Variants in ENAH observed in about 807,000 individuals in gnomAD.
ENAH encodes protein enabled homolog.
ENAH carries 23 observed loss-of-function variants against 78.7 expected under a neutral mutation model. The ratio of observed to expected loss-of-function variants is 0.29; its 90% CI spans 0.21 to 0.41. ENAH has a LOEUF of 0.41. ENAH is among the 10% of genes least tolerant of loss of function. The pLI, the probability that ENAH is intolerant of heterozygous loss-of-function variation, is 1.00. For synonymous variants in ENAH, 226 were observed against 241.0 expected, an observed-to-expected ratio of 0.94 and a Z score of 0.58; for missense variants, 544 against 691.0, an observed-to-expected ratio of 0.79 and a Z score of 2.39.
intron 1 of ENAH, among the ~76,000 whole-genome samples, chr1:225,572,780 T>G (rs2096769845): frequency 6.6e-6 from 1 of 152,254 alleles, no homozygotes; most frequent in South Asian, 2.1e-4. Context: ...GCTGTACTTT[T>G]GTGAAGATCA....
intron 1 of ENAH, among the ~76,000 whole-genome samples, chr1:225,637,717 C>T (rs907340406): frequency 7.6e-6 from 1 of 131,160 alleles, no homozygotes; most frequent in Non-Finnish European, 1.5e-5. Flanking sequence ...ATTTAACTGG[C>T]TATTTGCTTT....
At chr1:225,608,846 G>A (rs1408963462) in intron 1 of ENAH, among the ~76,000 whole-genome samples, 1 of 139,714 alleles carries the variant, frequency 7.2e-6, no homozygotes, top group Non-Finnish European at 1.5e-5. Flanking sequence ...AAAAAAGGAG[G>A]GGGGTCTTGG....
chr1:225,564,476 G>A (rs1012283315), intron 2 of ENAH, among the ~76,000 whole-genome samples: 13 of 125,054 alleles, frequency 1.0e-4, no homozygotes, highest in Admixed American at 1.0e-3. Context: ...TTTTTTTTTA[G>A]TAGAGACGGG....
Position 225,519,526 on chromosome 1 carries a change from C to A in ENAH, c.474G>T (p.Arg158=). The A allele has an allele frequency of 1.2e-6, 2 of 1,612,424 alleles. No homozygotes were observed. The highest frequency in any genetic ancestry group is 1.7e-6 in the Non-Finnish European group (2 of 1,179,770). ...CCATTCTTTCTCGCTCCAGCCTTTC[C>A]CGCTCCAGCTCCTTTTGCCGTTGCT... The part of the protein sequence containing the change: ...QEQQRQKELE[R]ERLERERMER... The change falls in exon 5 of 14, where the codon CGG becomes CGT. Residue 158 remains arginine, a synonymous_variant. Transcript: ENST00000366843.
In ENAH at chr1:225,546,253, A is replaced by G. The variant is rs114176364; in HGVS notation, c.349+8653T>C. ...GCCTGGCCTGAGGTCTGTAAACTTTAAGAGGATAAGCTACTATCAAATATT... is the reference window on the plus strand; with the variant it reads ...GCCTGGCCTGAGGTCTGTAAACTTTGAGAGGATAAGCTACTATCAAATATT... On this transcript the variant is annotated intron_variant, in intron 3 of 13. Coordinates refer to ENST00000366843, the MANE Select transcript of ENAH (RefSeq NM_018212.6). Among the ~76,000 whole-genome samples the G allele has an allele frequency of 5.3e-3, 811 of 152,284 alleles. 8 individuals carry two copies. Among genetic ancestry groups the G allele is most frequent in the African/African-American group, 0.018 (764 of 41,564 alleles).
At chr1:225,583,363 AGGT>A (rs1180821170) in intron 1 of ENAH, among the ~76,000 whole-genome samples, 47 of 142,382 alleles carry the variant, frequency 3.3e-4, no homozygotes, top group African/African-American at 1.2e-3. Context: ...TTGAACCAGG[AGGT>A]GGAGTTGCAG....
In ENAH at chr1:225,492,263, T is replaced by A. The variant is rs1301732695; in HGVS notation, c.*5512A>T. ...ACCATGCCTGGCCTAAATTTTTAAA[T>A]TTTTTTGTAGAAATGAGTCTCCCTG... On this transcript the variant is annotated 3_prime_UTR_variant, in exon 14 of 14. Transcript: ENST00000366843. The A allele has an allele frequency of 1.3e-5, 2 of 152,028 alleles. No homozygotes were observed. Among genetic ancestry groups the A allele is most frequent in the Non-Finnish European group, 2.9e-5 (2 of 68,004 alleles). 9.4% of individuals were successfully genotyped at this position (152,028 alleles called of 1,614,324 possible).
intron 2 of ENAH, among the ~76,000 whole-genome samples, chr1:225,558,423 A>G (rs2096679564): frequency 6.6e-6 from 1 of 152,132 alleles, no homozygotes; most frequent in East Asian, 1.9e-4. Flanking sequence ...AGGAATTTCT[A>G]CATCTACATT....
chr1:225,631,716 T>C (rs745344079), intron 1 of ENAH, among the ~76,000 whole-genome samples: 2 of 152,200 alleles, frequency 1.3e-5, no homozygotes, highest in Non-Finnish European at 2.9e-5. Context: ...CTCTCAAAGT[T>C]TCTCCATGTA....
At chr1:225,623,198 T>C (rs1472573707) in intron 1 of ENAH, among the ~76,000 whole-genome samples, 2 of 152,198 alleles carry the variant, frequency 1.3e-5, no homozygotes, top group African/African-American at 2.4e-5. Flanking sequence ...AAAGGTGGTT[T>C]TAATTTTGTC....
At chr1:225,646,767 C>T (rs1175006485) in intron 1 of ENAH, among the ~76,000 whole-genome samples, 2 of 151,922 alleles carry the variant, frequency 1.3e-5, no homozygotes, top group East Asian at 1.9e-4. Context: ...CCAGCCTGGG[C>T]GACACAGTGA....
At chr1:225,607,842 C>T (rs1000547030) in intron 1 of ENAH, among the ~76,000 whole-genome samples, 2 of 152,122 alleles carry the variant, frequency 1.3e-5, no homozygotes, top group South Asian at 2.1e-4. Context: ...AGGGTCCCCA[C>T]GGAAAGCCAG....
intron 4 of ENAH, among the ~76,000 whole-genome samples, chr1:225,527,279 A>C (rs533605348): frequency 6.6e-6 from 1 of 152,360 alleles, no homozygotes; most frequent in South Asian, 2.1e-4. Flanking sequence ...ATGAAGTAAA[A>C]AGTTGGCCTG....
chr1:225,648,023 G>T (rs1013471908), intron 1 of ENAH, among the ~76,000 whole-genome samples: 2 of 152,130 alleles, frequency 1.3e-5, no homozygotes, highest in Non-Finnish European at 2.9e-5. Context: ...GGTTGGGGGA[G>T]CATGTTAGGG....
At chr1:225,585,215 C>CAAAAAAAAAAAAAA (rs58586397) in intron 1 of ENAH, among the ~76,000 whole-genome samples, 1 of 49,918 alleles carries the variant, frequency 2.0e-5, no homozygotes. Context: ...TACCCTGTCT[C>CAAAAAAAAAAAAAA]AAAAAAAAAA....
intron 2 of ENAH, among the ~76,000 whole-genome samples, chr1:225,565,823 C>A (rs2096732100): frequency 6.6e-6 from 1 of 152,024 alleles, no homozygotes; most frequent in Non-Finnish European, 1.5e-5. Flanking sequence ...AACAAGGAAA[C>A]TGGAGCCTAG....
At chr1:225,542,273 C>A (rs2096593226) in intron 3 of ENAH, among the ~76,000 whole-genome samples, 1 of 152,228 alleles carries the variant, frequency 6.6e-6, no homozygotes, top group Non-Finnish European at 1.5e-5. Flanking sequence ...GGAAAGACTG[C>A]AAAGCCAGGA....
intron 1 of ENAH, among the ~76,000 whole-genome samples, chr1:225,651,296 A>G (rs1392441933): frequency 6.6e-6 from 1 of 152,180 alleles, no homozygotes; most frequent in Admixed American, 6.5e-5. Flanking sequence ...GGAATCAGAA[A>G]AAAAAATTCA....
intron 1 of ENAH, among the ~76,000 whole-genome samples, chr1:225,651,655 C>T (rs1663032222): frequency 6.6e-6 from 1 of 152,122 alleles, no homozygotes; most frequent in Admixed American, 6.5e-5. Context: ...AATTGTTTAA[C>T]CCAAAAGGAA....
Sources: gnomAD v4.1 joint callset for allele counts (sites outside exome capture counted in the v4.1 genomes callset) on GRCh38, gnomAD v4.1.1 for gene constraint, MANE v1.5 for transcripts, NCBI Gene and HGNC (gene_info 2026-07-23, HGNC 2026-07-21) for gene names.